The following SLC16A9 variants were observed in gnomAD, a reference collection of about 807,000 sequenced individuals.
SLC16A9 encodes solute carrier family 16 member 9, also known as monocarboxylate transporter 9.
A neutral mutation model predicts 44.3 loss-of-function variants in SLC16A9; 26 were observed. That is an observed-to-expected ratio of 0.59 (90% CI 0.43 to 0.81). SLC16A9 has a LOEUF of 0.81. Ranked by LOEUF, SLC16A9 falls within the 40% of genes least tolerant of loss-of-function variation. The pLI is 0.00. For synonymous variants in SLC16A9, 230 were observed against 225.1 expected (o/e 1.02, Z -0.19); for missense variants, 559 against 595.8 (o/e 0.94, Z 0.64).
intron 2 of SLC16A9, among the ~76,000 whole-genome samples, chr10:59,676,632 A>G (rs1254757323): frequency 6.6e-6 from 1 of 152,200 alleles, no homozygotes; most frequent in Non-Finnish European, 1.5e-5. Flanking sequence ...CTTTAAAAAT[A>G]TAATAACTGG....
chr10:59,699,701 TA>T (rs1419507859), intron 1 of SLC16A9, among the ~76,000 whole-genome samples: 2 of 150,362 alleles, frequency 1.3e-5, no homozygotes, highest in African/African-American at 4.9e-5. Context: ...TTTTTTTTTT[TA>T]AATCCCTTTA....
chr10:59,673,880 C>A (rs1200133461), intron 2 of SLC16A9, among the ~76,000 whole-genome samples: 1 of 151,052 alleles, frequency 6.6e-6, no homozygotes, highest in African/African-American at 2.4e-5. Context: ...CACACAAACA[C>A]AATGTAAATG....
At chr10:59,690,235 T>A (rs1182557900) in intron 1 of SLC16A9, among the ~76,000 whole-genome samples, 2 of 152,184 alleles carry the variant, frequency 1.3e-5, no homozygotes, top group Non-Finnish European at 2.9e-5. Context: ...ATGTTCTTGA[T>A]CACTTACATT....
At position 59,652,930 on chromosome 10, in the gene SLC16A9, G is replaced by A; in HGVS notation, c.1372C>T (p.Gln458Ter). 8.7e-6 allele frequency: 14 copies of A among 1,604,562 alleles called. No homozygotes were observed. Among genetic ancestry groups the A allele is most frequent in the Non-Finnish European group, 1.1e-5 (13 of 1,177,440 alleles). Residue 458 changes from glutamine to a stop codon, truncating the protein, a stop_gained, in exon 6 of 6, where the codon CAG becomes TAG. Coordinates refer to ENST00000395348, the MANE Select transcript of SLC16A9 (RefSeq NM_194298.3). LOFTEE classifies it high-confidence loss of function. Reference protein sequence around the residue: ...PIVGWFYDWTQTYDIAFYFSG... With the variant: ...PIVGWFYDWT ...AAATAAAATGCAATATCATAGGTCT[G>A]GGTCCAGTCATAAAACCAACCTGAA...
Position 59,651,008 on chromosome 10 carries a change from C to A in SLC16A9, c.*1764G>T, listed in dbSNP as rs1839185076. The A allele has an allele frequency of 6.7e-6, 1 of 149,366 alleles. No individual in the cohort carries two copies. The allele number at this position is 149,366 out of a possible 1,614,324, so 9.3% of individuals were successfully genotyped here. A position where few individuals can be genotyped will look rare whatever the true frequency, so the allele number is the denominator to read the frequency against. On this transcript the variant is annotated 3_prime_UTR_variant, in exon 6 of 6. Transcript: ENST00000395348. The stretch of plus-strand genomic sequence containing the variant: ...TTTAGTTTTTTTTTTTTTTATGTCA[C>A]TTATTTTATTTACTAACCTTGACAG...
At position 59,706,630 on chromosome 10, in the gene SLC16A9, T is replaced by TACACACACACACACACACACACAC. The variant is rs60450481; in HGVS notation, c.-37+2848_-37+2849insGTGTGTGTGTGTGTGTGTGTGTGT. Among the ~76,000 whole-genome samples the TACACACACACACACACACACACAC allele has an allele frequency of 6.5e-3, 956 of 145,988 alleles. 13 individuals are homozygous for TACACACACACACACACACACACAC. The highest frequency in any genetic ancestry group is 0.02 in the African/African-American group (762 of 38,684). Reference sequence around the variant, plus strand: ...TGGATGAATGGATGAAGAAATGTGATACACACACACACACACACACACAAT... The same window carrying TACACACACACACACACACACACAC: ...TGGATGAATGGATGAAGAAATGTGATACACACACACACACACACACACACACACACACACACACACACACACAAT... On this transcript the variant is annotated intron_variant, in intron 1 of 5. Transcript: ENST00000395348.
intron 1 of SLC16A9, among the ~76,000 whole-genome samples, chr10:59,704,828 G>A (rs536640751): frequency 1.3e-5 from 2 of 152,284 alleles, no homozygotes; most frequent in South Asian, 2.1e-4. Context: ...GTTAGCAAAC[G>A]TTTTGCACAA....
At chr10:59,664,711 T>G (rs1027714906) in intron 3 of SLC16A9, among the ~76,000 whole-genome samples, 1 of 152,198 alleles carries the variant, frequency 6.6e-6, no homozygotes, top group African/African-American at 2.4e-5. Flanking sequence ...CTCAGTGTTC[T>G]TCCTCTTCTA....
intron 2 of SLC16A9, among the ~76,000 whole-genome samples, chr10:59,675,330 A>T (rs1588975037): frequency 6.6e-6 from 1 of 152,296 alleles, no homozygotes; most frequent in East Asian, 1.9e-4. Context: ...TGGGATCTTA[A>T]TTTTTTCCTA....
At chr10:59,668,392 A>G (rs1839671241) in intron 3 of SLC16A9, among the ~76,000 whole-genome samples, 1 of 152,144 alleles carries the variant, frequency 6.6e-6, no homozygotes, top group African/African-American at 2.4e-5. Context: ...TTCCAACCGT[A>G]TCCACTTGAA....
Position 59,652,981 on chromosome 10 carries a change from T to G in SLC16A9, c.1352-31A>C, listed in dbSNP as rs749205388. The G allele has an allele frequency of 3.8e-6, 6 of 1,570,612 alleles. No individual in the cohort carries two copies. In the South Asian group the frequency reaches 7.0e-5, roughly 18 times the overall value. On this transcript the variant is annotated intron_variant, in intron 5 of 5. Coordinates refer to ENST00000395348, the MANE Select transcript of SLC16A9 (RefSeq NM_194298.3). ...AAGGCAGTAAGAAAAAAAGTAAGTT[T>G]CATGGAAATAGTATGAACATCCATC...
intron 3 of SLC16A9, among the ~76,000 whole-genome samples, chr10:59,671,448 C>T (rs935157452): frequency 2.6e-5 from 4 of 152,152 alleles, no homozygotes; most frequent in African/African-American, 7.2e-5. Context: ...GTTAGAGACA[C>T]GAAGAGTTTG....
intron 2 of SLC16A9, among the ~76,000 whole-genome samples, chr10:59,676,404 A>T (rs1029879532): frequency 6.6e-6 from 1 of 152,150 alleles, no homozygotes; most frequent in African/African-American, 2.4e-5. Context: ...ATTCCTCAGC[A>T]CTGGATGAGT....
At chr10:59,661,045 T>A (rs1223156151) in intron 4 of SLC16A9, among the ~76,000 whole-genome samples, 2 of 152,182 alleles carry the variant, frequency 1.3e-5, no homozygotes, top group Admixed American at 1.3e-4. Flanking sequence ...ACAGCCAATA[T>A]TATATTGAAT....
In SLC16A9 at chr10:59,684,267, C is replaced by T. The variant is rs779572874; in HGVS notation, c.25G>A (p.Gly9Ser). 1.5e-5 allele frequency: 24 copies of T among 1,612,912 alleles called. No homozygotes were observed. The highest frequency in any genetic ancestry group is 4.0e-5 in the African/African-American group (3 of 74,988). MELKKSPD[G>S]GWGWVIVFVS... is the part of the protein sequence containing the mutation. Reference sequence around the variant, plus strand: ...AACACAATCACCCAGCCCCATCCACCGTCAGGCGACTTTTTAAGTTCCATT... The same window carrying T: ...AACACAATCACCCAGCCCCATCCACTGTCAGGCGACTTTTTAAGTTCCATT... The change falls in exon 2 of 6, where the codon GGT becomes AGT. Residue 9 changes from glycine (G) to serine (S), a missense_variant. Coordinates refer to ENST00000395348, the MANE Select transcript of SLC16A9 (RefSeq NM_194298.3).
intron 3 of SLC16A9, among the ~76,000 whole-genome samples, 156 bp downstream of exon 3, chr10:59,672,614 T>C (rs866809444): frequency 6.6e-5 from 10 of 152,218 alleles, no homozygotes; most frequent in Non-Finnish European, 8.8e-5. Context: ...CAGGTTTTTT[T>C]CACTAAAGCA....
intron 3 of SLC16A9, among the ~76,000 whole-genome samples, chr10:59,667,353 T>C (rs1395567363): frequency 6.6e-6 from 1 of 152,196 alleles, no homozygotes; most frequent in Non-Finnish European, 1.5e-5. Flanking sequence ...TTGTAACATA[T>C]TGAGTACGGA....
At chr10:59,683,629 A>G (rs2132491165) in intron 2 of SLC16A9, among the ~76,000 whole-genome samples, 1 of 152,334 alleles carries the variant, frequency 6.6e-6, no homozygotes, top group South Asian at 2.1e-4. Context: ...AACAGAGAAG[A>G]GTAATCACAA....
At chr10:59,673,937 CA>C (rs1839805556) in intron 2 of SLC16A9, among the ~76,000 whole-genome samples, 2 of 152,100 alleles carry the variant, frequency 1.3e-5, no homozygotes, top group Admixed American at 1.3e-4. Context: ...AAGTACAACC[CA>C]TATACTTTCA....
Sources: gnomAD v4.1 joint callset for allele counts (sites outside exome capture counted in the v4.1 genomes callset) on GRCh38, gnomAD v4.1.1 for gene constraint, MANE v1.5 for transcripts, NCBI Gene and HGNC (gene_info 2026-07-23, HGNC 2026-07-21) for gene names.